Variants in PLEKHA2 observed in about 807,000 individuals in gnomAD.
PLEKHA2 encodes the protein pleckstrin homology domain containing A2, also known as pleckstrin homology domain-containing family A member 2.
PLEKHA2 carries 28 observed loss-of-function variants against 53.2 expected under a neutral mutation model. That is an observed-to-expected ratio of 0.53 (90% confidence interval 0.39 to 0.72). PLEKHA2 has a LOEUF of 0.72. PLEKHA2 is among the 30% of genes least tolerant of loss of function. PLEKHA2 has a pLI of 0.00. For synonymous variants in PLEKHA2, 193 were observed against 196.4 expected (o/e 0.98, Z 0.14); for missense variants, 426 against 537.9 (o/e 0.79, Z 2.06).
In PLEKHA2 at chr8:38,969,636, C is replaced by A; in HGVS notation, c.1131C>A (p.Ser377=). The A allele has an allele frequency of 6.2e-7, 1 of 1,602,388 alleles. No homozygotes were observed. The highest frequency in any genetic ancestry group is 2.3e-5 in the East Asian group (1 of 44,332). Residue 377 remains serine, a synonymous_variant, in exon 12 of 12, where the codon TCC becomes TCA. Coordinates refer to ENST00000617275, the MANE Select transcript of PLEKHA2 (RefSeq NM_021623.2). ...LLPPGDTSED[S]LFTPRPGEGS... The stretch of plus-strand genomic sequence containing the variant: ...CACCTGGAGACACTTCAGAGGACTC[C>A]TTGTTCACGCCTCGTCCTGGGGAGG...
intron 2 of PLEKHA2, among the ~76,000 whole-genome samples, chr8:38,932,482 G>T (rs992540779): frequency 6.6e-6 from 1 of 152,146 alleles, no homozygotes; most frequent in Non-Finnish European, 1.5e-5. Flanking sequence ...CCAGGGAAGA[G>T]GGGGGACAGC....
At chr8:38,961,272 T>G (rs1471155959) in intron 10 of PLEKHA2, among the ~76,000 whole-genome samples, 1 of 152,202 alleles carries the variant, frequency 6.6e-6, no homozygotes, top group African/African-American at 2.4e-5. Context: ...GCACGGTGGC[T>G]CACGCCTGCA....
chr8:38,970,097 T>A lies in PLEKHA2; in HGVS notation c.*314T>A, dbSNP rs1835220009. 6 of 467,646 alleles carry A rather than the reference T, an allele frequency of 1.3e-5. No homozygotes were observed. Among genetic ancestry groups the A allele is most frequent in the Non-Finnish European group, 2.2e-5 (6 of 270,460 alleles). 29.0% of individuals were successfully genotyped at this position (467,646 alleles called of 1,614,324 possible). A position where few individuals can be genotyped will look rare whatever the true frequency, so the allele number is the denominator to read the frequency against. On this transcript the variant is annotated 3_prime_UTR_variant, in exon 12 of 12. Coordinates refer to ENST00000617275, the MANE Select transcript of PLEKHA2 (RefSeq NM_021623.2). The stretch of plus-strand genomic sequence containing the variant: ...ATTCTGAGGTCTTCCTGGAGAGGGA[T>A]TGTTTTAGCAGCTCCTCTCCAGAGG...
At chr8:38,935,272 G>T (rs763513621) in intron 2 of PLEKHA2, among the ~76,000 whole-genome samples, 1 of 152,110 alleles carries the variant, frequency 6.6e-6, no homozygotes, top group Non-Finnish European at 1.5e-5. Flanking sequence ...GCCTTCCAAA[G>T]TGCTGGGATT....
At chr8:38,956,641 A>G (rs548421620) in intron 9 of PLEKHA2, among the ~76,000 whole-genome samples, 1 of 152,292 alleles carries the variant, frequency 6.6e-6, no homozygotes, top group East Asian at 1.9e-4. Context: ...CTCTATGACA[A>G]ATATAAAAAT....
At chr8:38,942,097 C>T (rs758070715) in intron 3 of PLEKHA2, among the ~76,000 whole-genome samples, 1 of 152,108 alleles carries the variant, frequency 6.6e-6, no homozygotes, top group Non-Finnish European at 1.5e-5. Flanking sequence ...GCTTCTGATA[C>T]GCTGCCCGTT....
At chr8:38,953,022 G>T (rs1397472960) in intron 8 of PLEKHA2, among the ~76,000 whole-genome samples, 1 of 152,142 alleles carries the variant, frequency 6.6e-6, no homozygotes, top group Non-Finnish European at 1.5e-5. Flanking sequence ...TGGATTTTTT[G>T]TAGAGACAGG....
At chr8:38,950,649 T>G in intron 5 of PLEKHA2, 1 of 493,862 alleles carries the variant, frequency 2.0e-6, no homozygotes, top group Non-Finnish European at 3.5e-6. Context: ...CTGGAGTCAG[T>G]TTGTATCTGT....
At chr8:38,926,115 T>C (rs1248114523) in intron 2 of PLEKHA2, among the ~76,000 whole-genome samples, 1 of 152,222 alleles carries the variant, frequency 6.6e-6, no homozygotes, top group Non-Finnish European at 1.5e-5. Flanking sequence ...CTTAAGATCA[T>C]GGTAACTTTC....
chr8:38,906,208 C>G (rs1051532371), intron 1 of PLEKHA2, among the ~76,000 whole-genome samples: 2 of 152,256 alleles, frequency 1.3e-5, no homozygotes, highest in East Asian at 1.9e-4. Flanking sequence ...CGTGCCTGCA[C>G]TGGTGCCCTC....
chr8:38,917,885 A>G, intron 1 of PLEKHA2, 22 bp from the exon 2 acceptor site: 3 of 1,600,188 alleles, frequency 1.9e-6, no homozygotes, highest in Non-Finnish European at 2.6e-6. Flanking sequence ...CCTTCTCATC[A>G]GCACCTCCCT....
chr8:38,957,351 G>A lies in PLEKHA2; in HGVS notation c.802G>A (p.Glu268Lys). 2 of 1,613,292 alleles carry A rather than the reference G, an allele frequency of 1.2e-6. No homozygotes were observed. Among genetic ancestry groups the A allele is most frequent in the Non-Finnish European group, 1.7e-6 (2 of 1,179,348 alleles). Residue 268 changes from glutamate (E) to lysine (K), a missense_variant, in exon 10 of 12, where the codon GAA becomes AAA. Transcript: ENST00000617275. ...GDLLMRDNLF[E>K]IITSSRTFYV... ...TCTCTTAATGAGGGACAACCTGTTT[G>A]AAATAATAACAAGCTCCAGGACCTT...
intron 2 of PLEKHA2, among the ~76,000 whole-genome samples, chr8:38,935,562 G>C (rs1834478486): frequency 6.6e-6 from 1 of 151,994 alleles, no homozygotes; most frequent in Admixed American, 6.6e-5. Flanking sequence ...GGGACTGCAA[G>C]TGTGAGCCTC....
At position 38,904,931 on chromosome 8, in the gene PLEKHA2, A is replaced by T. The variant is rs546645033; in HGVS notation, c.-24+3486A>T. On this transcript the variant is annotated intron_variant, in intron 1 of 11. Coordinates refer to ENST00000617275, the MANE Select transcript of PLEKHA2 (RefSeq NM_021623.2). ...TCTGGGTGTCCAGCACTTTTCACAC[A>T]TTATTTCATTTAATCCTCACAGCAG... Among the ~76,000 whole-genome samples, 5 of 152,346 alleles carry T rather than the reference A, an allele frequency of 3.3e-5. No individual in the cohort carries two copies. In the East Asian group the frequency reaches 9.6e-4, roughly 29 times the overall value.
chr8:38,968,842 T>A, intron 11 of PLEKHA2, 173 bp downstream of exon 11: 1 of 600,978 alleles, frequency 1.7e-6, no homozygotes, highest in Non-Finnish European at 2.9e-6. Flanking sequence ...ATTTTTATTT[T>A]TCTCTGTTTG....
chr8:38,957,449 C>A (rs765189984), intron 10 of PLEKHA2, 63 bp downstream of exon 10: 2 of 1,366,774 alleles, frequency 1.5e-6, no homozygotes, highest in Non-Finnish European at 2.1e-6. Flanking sequence ...CCTCACAGGC[C>A]GTGTCCTTTC....
intron 3 of PLEKHA2, among the ~76,000 whole-genome samples, chr8:38,939,017 C>T (rs1834550099): frequency 6.6e-6 from 1 of 152,056 alleles, no homozygotes; most frequent in South Asian, 2.1e-4. Context: ...GATTGTTCTG[C>T]CTCAGCCTCC....
intron 2 of PLEKHA2, among the ~76,000 whole-genome samples, chr8:38,919,081 C>T (rs1834133693): frequency 6.6e-6 from 1 of 152,256 alleles, no homozygotes; most frequent in South Asian, 2.1e-4. Context: ...ACATGTTGGA[C>T]TTCTTTGGTC....
chr8:38,966,355 G>A (rs1303975383), intron 10 of PLEKHA2, among the ~76,000 whole-genome samples: 1 of 152,126 alleles, frequency 6.6e-6, no homozygotes, highest in East Asian at 1.9e-4. Flanking sequence ...GTGTGTGGTG[G>A]TGGCACATAC....
Sources: allele counts gnomAD v4.1 joint callset (sites outside exome capture counted in the v4.1 genomes callset), GRCh38; gene constraint gnomAD v4.1.1; transcripts MANE v1.5; gene names NCBI Gene and HGNC (gene_info 2026-07-23, HGNC 2026-07-21).